CAMK2D: variants seen among roughly 807,000 people sequenced by gnomAD.
CAMK2D encodes calcium/calmodulin dependent protein kinase II delta.
In CAMK2D, 37 loss-of-function variants were observed where a neutral mutation model predicts 84.0. That is an observed-to-expected ratio of 0.44 (90% CI 0.34 to 0.58). The LOEUF (loss-of-function observed/expected upper bound fraction) is 0.58. Ranked by LOEUF, CAMK2D falls within the 20% of genes least tolerant of loss-of-function variation. The pLI, the probability that CAMK2D is intolerant of heterozygous loss-of-function variation, is 0.02. For synonymous variants in CAMK2D, 202 were observed against 212.5 expected (o/e 0.95, Z 0.43); for missense variants, 448 against 652.5 (o/e 0.69, Z 3.41).
chr4:113,677,917 T>C (rs927142288), intron 2 of CAMK2D, among the ~76,000 whole-genome samples: 8 of 152,086 alleles, frequency 5.3e-5, no homozygotes, highest in African/African-American at 1.7e-4. Context: ...TCTAGTAGCA[T>C]CTTGATAAAG....
At chr4:113,537,564 A>G in intron 6 of CAMK2D, 121 bp from the exon 7 acceptor site, 1 of 633,190 alleles carries the variant, frequency 1.6e-6, no homozygotes, top group Non-Finnish European at 2.8e-6. Flanking sequence ...TCTTTCCTGG[A>G]GACTGCCATT....
chr4:113,710,107 T>C (rs1283164325), intron 2 of CAMK2D, among the ~76,000 whole-genome samples: 1 of 151,948 alleles, frequency 6.6e-6, no homozygotes, highest in Non-Finnish European at 1.5e-5. Context: ...TTCAGGATAT[T>C]TAAAAACTAG....
chr4:113,607,348 G>A (rs562855619), intron 4 of CAMK2D, among the ~76,000 whole-genome samples: 4 of 152,190 alleles, frequency 2.6e-5, no homozygotes, highest in South Asian at 2.1e-4. Flanking sequence ...CAGAAGTAGC[G>A]CTTTAGTCTC....
rs868314684 is a variant in CAMK2D at position 113,729,557 on chromosome 4, C to G, written c.160+29763G>C. On this transcript the variant is annotated intron_variant, in intron 2 of 20. Transcript: ENST00000511664. ...CTTCTCTTGAGTCTCAATTCAAATGCCTCATTCTCAGAGAAACTTTTCCTG... is the reference window on the plus strand; with the variant it reads ...CTTCTCTTGAGTCTCAATTCAAATGGCTCATTCTCAGAGAAACTTTTCCTG... Among the ~76,000 whole-genome samples, 5 of 152,260 alleles carry G rather than the reference C, an allele frequency of 3.3e-5. 1 individual carries two copies. Among genetic ancestry groups the G allele is most frequent in the Middle Eastern group, 3.4e-3 (1 of 294 alleles).
chr4:113,743,506 C>T (rs1594004862), intron 2 of CAMK2D, among the ~76,000 whole-genome samples: 1 of 152,132 alleles, frequency 6.6e-6, no homozygotes, highest in Admixed American at 6.5e-5. Context: ...ACTTCTCAAC[C>T]CCACTTCTAT....
chr4:113,544,307 T>C (rs537487392), intron 6 of CAMK2D, among the ~76,000 whole-genome samples: 7 of 152,338 alleles, frequency 4.6e-5, no homozygotes, highest in Admixed American at 2.0e-4. Flanking sequence ...TTTAACCTTT[T>C]GATTCACTAA....
At chr4:113,610,317 T>C (rs527311249) in intron 3 of CAMK2D, among the ~76,000 whole-genome samples, 1 of 152,276 alleles carries the variant, frequency 6.6e-6, no homozygotes, top group East Asian at 1.9e-4. Flanking sequence ...AGCAACAAAG[T>C]TTTAGGACAC....
In CAMK2D at chr4:113,694,071, C is replaced by T. The variant is rs550768661; in HGVS notation, c.161-32299G>A. 3.6e-4 allele frequency among the ~76,000 whole-genome samples: 55 copies of T among 152,232 alleles called. No homozygotes were observed. In the South Asian group the frequency reaches 8.9e-3, roughly 25 times the overall value. ...AAAAACCTCACATGAAAATTAAAGA[C>T]GCATTCATTATCCATATCAGCTAAC... On this transcript the variant is annotated intron_variant, in intron 2 of 20. Coordinates refer to ENST00000511664, the MANE Select transcript of CAMK2D (RefSeq NM_001321571.2).
intron 2 of CAMK2D, among the ~76,000 whole-genome samples, chr4:113,681,543 T>C (rs1269032890): frequency 1.3e-5 from 2 of 152,166 alleles, no homozygotes; most frequent in African/African-American, 2.4e-5. Context: ...AATAGCACCA[T>C]GAAAATGGAC....
At chr4:113,760,361 G>A (rs894549522) in intron 1 of CAMK2D, among the ~76,000 whole-genome samples, 2 of 152,180 alleles carry the variant, frequency 1.3e-5, no homozygotes, top group Non-Finnish European at 2.9e-5. Context: ...AGATGCACAC[G>A]TAAATCCTAG....
intron 4 of CAMK2D, among the ~76,000 whole-genome samples, chr4:113,572,671 T>C (rs897622149): frequency 6.6e-6 from 1 of 152,202 alleles, no homozygotes; most frequent in Non-Finnish European, 1.5e-5. Context: ...GAAACCCTTA[T>C]GCGTTGTTGG....
At chr4:113,574,504 T>A (rs1029760549) in intron 4 of CAMK2D, among the ~76,000 whole-genome samples, 2 of 152,206 alleles carry the variant, frequency 1.3e-5, no homozygotes, top group African/African-American at 2.4e-5. Flanking sequence ...AAAGGGCTAG[T>A]ATTAGAACCC....
At chr4:113,489,170 G>C (rs896273602) in intron 16 of CAMK2D, among the ~76,000 whole-genome samples, 1 of 151,736 alleles carries the variant, frequency 6.6e-6, no homozygotes, top group Non-Finnish European at 1.5e-5. Context: ...TTAAGTTTTA[G>C]GGTACATGTG....
intron 2 of CAMK2D, among the ~76,000 whole-genome samples, chr4:113,695,033 A>G (rs1472902801): frequency 6.6e-6 from 1 of 152,212 alleles, no homozygotes; most frequent in Non-Finnish European, 1.5e-5. Context: ...TTAGAACATG[A>G]TTTGATCACA....
intron 3 of CAMK2D, among the ~76,000 whole-genome samples, chr4:113,656,769 A>G (rs2099202566): frequency 6.6e-6 from 1 of 152,086 alleles, no homozygotes; most frequent in Non-Finnish European, 1.5e-5. Flanking sequence ...TTTAGATATC[A>G]GTTTAAATGT....
intron 4 of CAMK2D, among the ~76,000 whole-genome samples, chr4:113,598,087 T>A (rs938049202): frequency 3.3e-5 from 5 of 152,074 alleles, no homozygotes; most frequent in African/African-American, 7.2e-5. Context: ...AGAATATTGA[T>A]GGAAAAGAAC....
intron 2 of CAMK2D, chr4:113,753,591 C>T (rs1001499551): frequency 1.2e-5 from 2 of 164,094 alleles, no homozygotes; most frequent in African/African-American, 2.4e-5. Context: ...ATTGCTAAAT[C>T]TCTCAACTGG....
At chr4:113,644,032 A>G (rs577332236) in intron 3 of CAMK2D, among the ~76,000 whole-genome samples, 2 of 152,324 alleles carry the variant, frequency 1.3e-5, no homozygotes, top group East Asian at 1.9e-4. Flanking sequence ...AAATTATGTC[A>G]TTCTAGTTTA....
intron 4 of CAMK2D, among the ~76,000 whole-genome samples, chr4:113,599,731 C>G (rs2098943597): frequency 6.6e-6 from 1 of 152,092 alleles, no homozygotes; most frequent in Admixed American, 6.6e-5. Flanking sequence ...GTATTATATA[C>G]TGTATTCTTA....
Sources: allele counts gnomAD v4.1 joint callset (sites outside exome capture counted in the v4.1 genomes callset), GRCh38; gene constraint gnomAD v4.1.1; transcripts MANE v1.5; gene names NCBI Gene and HGNC (gene_info 2026-07-23, HGNC 2026-07-21).